PSD2: variants seen among roughly 807,000 people sequenced by gnomAD.
PSD2 encodes the protein PH and SEC7 domain-containing protein 2.
Under a neutral mutation model 69.8 loss-of-function variants are expected in PSD2, and 38 were observed. The ratio of observed to expected loss-of-function variants is 0.54; its 90% confidence interval spans 0.42 to 0.71. The LOEUF is 0.71. Among genes scored for constraint, PSD2 ranks in the 30% least tolerant of loss-of-function variants. PSD2 has a pLI of 0.00. For synonymous variants in PSD2, 412 were observed against 423.0 expected, an observed-to-expected ratio of 0.97 and a Z score of 0.32; for missense variants, 943 against 1,014.5, an observed-to-expected ratio of 0.93 and a Z score of 0.96.
At chr5:139,757,588 G>A in the PSD2 span, among the ~76,000 whole-genome samples, 24 of 152,096 alleles carry the variant, frequency 1.6e-4, no homozygotes, top group African/African-American at 4.8e-4. Context: ...TTGTTCCCCC[G>A]TCCCCACCCT....
the PSD2 span, among the ~76,000 whole-genome samples, chr5:139,758,326 G>A: frequency 6.6e-6 from 1 of 152,174 alleles, no homozygotes; most frequent in Admixed American, 6.5e-5. Context: ...TGAGGGCTGG[G>A]GACAGGAAGT....
rs574681552 is a variant in PSD2 at position 139,797,803 on chromosome 5, T to G, written c.-51+1828T>G. On this transcript the variant is annotated intron_variant, in intron 1 of 14. Transcript: ENST00000274710. ...GTTAGTAAGTGGCAGAGTGAGGATT[T>G]GCACTTGGCCAGAACTGTCTGATAC... is the stretch of plus-strand genomic sequence containing the variant. Among the ~76,000 whole-genome samples, 6 of 152,332 alleles carry G rather than the reference T, an allele frequency of 3.9e-5. No homozygotes were observed. The East Asian group carries it at 1.2e-3, about 29-fold the overall frequency.
chr5:139,784,811 A>G, the PSD2 span, among the ~76,000 whole-genome samples: 1 of 151,894 alleles, frequency 6.6e-6, no homozygotes, highest in Non-Finnish European at 1.5e-5. Context: ...GCTGCAGTGC[A>G]ATGGCATGAT....
chr5:139,767,066 C>T, the PSD2 span, among the ~76,000 whole-genome samples: 1 of 150,336 alleles, frequency 6.7e-6, no homozygotes, highest in African/African-American at 2.5e-5. Context: ...AATCTCGGCT[C>T]ACTGCAAGCT....
the PSD2 span, among the ~76,000 whole-genome samples, chr5:139,790,243 A>G: frequency 9.2e-5 from 14 of 151,946 alleles, no homozygotes; most frequent in Non-Finnish European, 1.9e-4. Flanking sequence ...TGTGGTCGTG[A>G]TGTTTACGGC....
upstream of PSD2, among the ~76,000 whole-genome samples, chr5:139,793,964 C>A (rs1759464078): frequency 6.6e-6 from 1 of 152,196 alleles, no homozygotes; most frequent in African/African-American, 2.4e-5. Context: ...GGTATCTAAG[C>A]CCTGCCATGA....
intron 7 of PSD2, among the ~76,000 whole-genome samples, chr5:139,828,627 C>T: frequency 6.6e-6 from 1 of 152,170 alleles, no homozygotes; most frequent in Non-Finnish European, 1.5e-5. Context: ...ATCAGCCCCT[C>T]CCCTCCTCCC....
At chr5:139,762,137 G>C in the PSD2 span, among the ~76,000 whole-genome samples, 2 of 150,818 alleles carry the variant, frequency 1.3e-5, no homozygotes, top group African/African-American at 4.9e-5. Context: ...CCGCCTCCTG[G>C]GTTCAAGCAA....
chr5:139,764,516 C>T, the PSD2 span, among the ~76,000 whole-genome samples: 2 of 152,166 alleles, frequency 1.3e-5, no homozygotes, highest in Non-Finnish European at 1.5e-5. Flanking sequence ...CCCCGCCGAG[C>T]GCCTGCCTGG....
the PSD2 span, among the ~76,000 whole-genome samples, chr5:139,746,933 G>T: frequency 6.6e-6 from 1 of 152,122 alleles, no homozygotes; most frequent in Non-Finnish European, 1.5e-5. The surrounding 1 kb of genome is among the most constrained non-coding windows in gnomAD (Gnocchi z 4.5). Flanking sequence ...ACCTCGGCTC[G>T]TCCCCACCCT....
In PSD2 at chr5:139,818,088, G is replaced by T. The variant is rs111621647; in HGVS notation, c.1097+527G>T. Among the ~76,000 whole-genome samples the T allele has an allele frequency of 2.9e-3, 441 of 152,244 alleles. 2 individuals are homozygous for T. Among genetic ancestry groups the T allele is most frequent in the African/African-American group, 0.01 (421 of 41,530 alleles). On this transcript the variant is annotated intron_variant, in intron 5 of 14. Transcript: ENST00000274710. Reference sequence around the variant, plus strand: ...AGGAGCAGGAGGGTAGAATGGATGGGTGCAGCCCTGTAGTATCTAGCAGGC... The same window carrying T: ...AGGAGCAGGAGGGTAGAATGGATGGTTGCAGCCCTGTAGTATCTAGCAGGC...
chr5:139,768,469 T>C, the PSD2 span, among the ~76,000 whole-genome samples: 14 of 152,280 alleles, frequency 9.2e-5, no homozygotes, highest in South Asian at 6.2e-4. Context: ...AAGTCTGTAA[T>C]CCCAGCACTT....
chr5:139,771,613 C>G, the PSD2 span, among the ~76,000 whole-genome samples: 4 of 152,108 alleles, frequency 2.6e-5, no homozygotes, highest in African/African-American at 4.8e-5. Context: ...TTCCTGACCT[C>G]GTGATCCGCC....
the PSD2 span, among the ~76,000 whole-genome samples, chr5:139,779,181 C>T: frequency 3.3e-5 from 5 of 152,096 alleles, no homozygotes; most frequent in African/African-American, 1.2e-4. Flanking sequence ...TGTTTGGTTA[C>T]ATGAGTCAGT....
upstream of PSD2, among the ~76,000 whole-genome samples, chr5:139,790,920 G>T (rs1357832235): frequency 6.6e-6 from 1 of 151,766 alleles, no homozygotes; most frequent in Non-Finnish European, 1.5e-5. Context: ...GGGTGGGGGG[G>T]AGCGCCTATA....
intron 2 of PSD2, 80 bp downstream of exon 2, chr5:139,809,891 T>C (rs1759917177): frequency 1.8e-5 from 26 of 1,458,830 alleles, no homozygotes; most frequent in Non-Finnish European, 2.4e-5. Flanking sequence ...CCACTTAGTT[T>C]CTCCGGTTCT....
At chr5:139,822,846 C>T in intron 7 of PSD2, 62 bp downstream of exon 7, 12 of 1,425,656 alleles carry the variant, frequency 8.4e-6, no homozygotes, top group Non-Finnish European at 1.1e-5. Context: ...TTGTGTTGAT[C>T]CCGGCCCCTT....
At chr5:139,743,753 C>CCTGGACTG in the PSD2 span, 2 of 152,346 alleles carry the variant, frequency 1.3e-5, no homozygotes, top group African/African-American at 4.8e-5. Flanking sequence ...GCTGAAATCC[C>CCTGGACTG]CTGGACTGCA....
chr5:139,830,689 CTT>C (rs56877686), intron 7 of PSD2, among the ~76,000 whole-genome samples: 3 of 63,298 alleles, frequency 4.7e-5, no homozygotes, highest in Non-Finnish European at 7.2e-5. Context: ...TCTTTCTTTT[CTT>C]TTTTTTTTTT....
Sources: gnomAD v4.1 joint callset for allele counts (sites outside exome capture counted in the v4.1 genomes callset) on GRCh38, gnomAD v4.1.1 for gene constraint, Gnocchi (gnomAD v3.1) non-coding constraint, MANE v1.5 for transcripts, NCBI Gene and HGNC (gene_info 2026-07-23, HGNC 2026-07-21) for gene names.